MAGI2: variants seen among roughly 807,000 people sequenced by gnomAD.
MAGI2 encodes membrane-associated guanylate kinase, WW and PDZ domain-containing protein 2.
MAGI2 carries 35 observed loss-of-function variants against 133.3 expected under a neutral mutation model. That is an observed-to-expected ratio of 0.26 (90% CI 0.20 to 0.35). The LOEUF (loss-of-function observed/expected upper bound fraction) is 0.35. Among genes scored for constraint, MAGI2 ranks in the 10% least tolerant of loss-of-function variants. The pLI is 1.00. For synonymous variants in MAGI2, 729 were observed against 710.6 expected, an observed-to-expected ratio of 1.03 and a Z score of -0.41; for missense variants, 1,636 against 1,863.4, an observed-to-expected ratio of 0.88 and a Z score of 2.25.
At chr7:78,446,552 G>C (rs1379014765) in intron 6 of MAGI2, among the ~76,000 whole-genome samples, 2 of 152,050 alleles carry the variant, frequency 1.3e-5, no homozygotes, top group East Asian at 1.9e-4. Context: ...CCTTTTGGTT[G>C]TCTTCATAAA....
intron 2 of MAGI2, among the ~76,000 whole-genome samples, chr7:78,718,724 T>C (rs1035956434): frequency 6.6e-6 from 1 of 152,024 alleles, no homozygotes; most frequent in Non-Finnish European, 1.5e-5. Context: ...AGAAATAAAG[T>C]ACCCAATAAA....
At chr7:78,757,540 C>T (rs1376409280) in intron 2 of MAGI2, among the ~76,000 whole-genome samples, 1 of 152,134 alleles carries the variant, frequency 6.6e-6, no homozygotes. Context: ...TCTCTATCTC[C>T]ATTTCCGTTT....
intron 2 of MAGI2, among the ~76,000 whole-genome samples, chr7:78,973,920 T>C (rs1387610330): frequency 6.6e-6 from 1 of 151,840 alleles, no homozygotes; most frequent in Non-Finnish European, 1.5e-5. Context: ...ATCTGGAGTG[T>C]GTTGCTGCGT....
intron 2 of MAGI2, among the ~76,000 whole-genome samples, chr7:78,650,654 T>A (rs1328562834): frequency 1.8e-5 from 2 of 111,356 alleles, no homozygotes; most frequent in Admixed American, 1.8e-4. Context: ...TATGGGCAGT[T>A]ATAATGAAAA....
At chr7:78,643,899 C>G (rs1054174152) in intron 2 of MAGI2, among the ~76,000 whole-genome samples, 2 of 151,962 alleles carry the variant, frequency 1.3e-5, no homozygotes, top group Non-Finnish European at 2.9e-5. Context: ...AAAAATGGAT[C>G]ATCCATTTAA....
At chr7:78,172,639 A>C (rs2150662767) in intron 14 of MAGI2, among the ~76,000 whole-genome samples, 1 of 152,300 alleles carries the variant, frequency 6.6e-6, no homozygotes, top group African/African-American at 2.4e-5. Flanking sequence ...ATTTGCTGAA[A>C]GCCGTGCTGT....
chr7:78,905,722 C>T (rs1294679465), intron 2 of MAGI2, among the ~76,000 whole-genome samples: 3 of 152,052 alleles, frequency 2.0e-5, no homozygotes, highest in Admixed American at 2.0e-4. Flanking sequence ...AATAAATCTC[C>T]TCTAATTTAA....
intron 2 of MAGI2, among the ~76,000 whole-genome samples, chr7:78,951,392 G>C (rs530209297): frequency 6.6e-6 from 1 of 152,228 alleles, no homozygotes; most frequent in Middle Eastern, 3.4e-3. Context: ...TGCATGGCTG[G>C]GGAGGTCTCA....
intron 6 of MAGI2, among the ~76,000 whole-genome samples, chr7:78,471,722 C>T (rs112691409): frequency 0.052 from 7,889 of 151,926 alleles, 267 homozygotes; most frequent in East Asian, 0.087. Context: ...GTCAGGAGTT[C>T]GAGACCAGCC....
At chr7:79,338,846 G>A (rs1840682930) in intron 1 of MAGI2, among the ~76,000 whole-genome samples, 1 of 152,004 alleles carries the variant, frequency 6.6e-6, no homozygotes, top group African/African-American at 2.4e-5. Context: ...GTCAACCTAC[G>A]GGGGGTACTC....
In MAGI2 at chr7:79,194,243, C is replaced by T. The variant is rs1002176362; in HGVS notation, c.302-187037G>A. Among the ~76,000 whole-genome samples, 8 of 151,932 alleles carry T rather than the reference C, an allele frequency of 5.3e-5. 1 individual carries two copies. The highest frequency in any genetic ancestry group is 1.9e-4 in the African/African-American group (8 of 41,300). On this transcript the variant is annotated intron_variant, in intron 1 of 21. Coordinates refer to ENST00000354212, the MANE Select transcript of MAGI2 (RefSeq NM_012301.4). ...AGCTATAAAGGTATTATCCTTCCAT[C>T]CTATTAAAGGCCTACTAAAGTGAGA...
At chr7:78,790,932 T>A (rs1677495430) in intron 2 of MAGI2, among the ~76,000 whole-genome samples, 1 of 152,310 alleles carries the variant, frequency 6.6e-6, no homozygotes, top group East Asian at 1.9e-4. Flanking sequence ...GCTAGCACAG[T>A]ATCTGAGCTT....
intron 1 of MAGI2, among the ~76,000 whole-genome samples, chr7:79,176,812 G>C (rs1258653268): frequency 6.6e-6 from 1 of 151,720 alleles, no homozygotes; most frequent in Non-Finnish European, 1.5e-5. Context: ...TCAAGCTTTG[G>C]GTTAGTTTTA....
intron 9 of MAGI2, among the ~76,000 whole-genome samples, chr7:78,298,970 C>T (rs1276815254): frequency 6.6e-6 from 1 of 151,980 alleles, no homozygotes; most frequent in Non-Finnish European, 1.5e-5. Flanking sequence ...CGCACGCCAC[C>T]ATGCCCAGCT....
At chr7:78,402,822 A>G (rs1797012198) in intron 6 of MAGI2, among the ~76,000 whole-genome samples, 2 of 152,196 alleles carry the variant, frequency 1.3e-5, no homozygotes, top group African/African-American at 2.4e-5. Flanking sequence ...ATACTTGGAT[A>G]AGTATATTGG....
chr7:79,449,353 A>T (rs1161668418), intron 1 of MAGI2, among the ~76,000 whole-genome samples: 2 of 142,894 alleles, frequency 1.4e-5, no homozygotes, highest in Non-Finnish European at 1.5e-5. Flanking sequence ...AAGAATTAGA[A>T]TTTTTTTTTT....
chr7:78,769,574 ACAGAGAT>A (rs1260587225), intron 2 of MAGI2, among the ~76,000 whole-genome samples: 1 of 152,134 alleles, frequency 6.6e-6, no homozygotes, highest in Non-Finnish European at 1.5e-5. Context: ...CCATCAGAAA[ACAGAGAT>A]CAGAGCAAAT....
At chr7:79,282,686 G>T (rs975227059) in intron 1 of MAGI2, among the ~76,000 whole-genome samples, 1 of 152,082 alleles carries the variant, frequency 6.6e-6, no homozygotes, top group Non-Finnish European at 1.5e-5. Context: ...TGAAAGAAAC[G>T]TTGGGCAAGG....
At chr7:79,221,916 T>C (rs558166643) in intron 1 of MAGI2, among the ~76,000 whole-genome samples, 3 of 152,010 alleles carry the variant, frequency 2.0e-5, no homozygotes, top group Non-Finnish European at 2.9e-5. Flanking sequence ...GCAAGCACAT[T>C]TTCTCCAGTG....
Sources: gnomAD v4.1 joint callset for allele counts (sites outside exome capture counted in the v4.1 genomes callset) on GRCh38, gnomAD v4.1.1 for gene constraint, MANE v1.5 for transcripts, NCBI Gene and HGNC (gene_info 2026-07-23, HGNC 2026-07-21) for gene names.